Variants in ZNF346 observed in about 807,000 individuals in gnomAD.
The protein encoded by ZNF346 is zinc finger protein 346.
Under a neutral mutation model 33.7 loss-of-function variants are expected in ZNF346, and 23 were observed. The observed-to-expected ratio is 0.68, with a 90% confidence interval of 0.49 to 0.97. The LOEUF is 0.97. Ranked by LOEUF, ZNF346 falls within the 50% of genes least tolerant of loss-of-function variation. The pLI is 0.00. For synonymous variants in ZNF346, 134 were observed against 142.4 expected (o/e 0.94, Z 0.42); for missense variants, 340 against 371.1 (o/e 0.92, Z 0.69).
At chr5:177,041,947 A>T in intron 3 of ZNF346, 77 bp downstream of exon 3, 5 of 922,376 alleles carry the variant, frequency 5.4e-6, no homozygotes, top group Non-Finnish European at 8.7e-6. Context: ...AACAAGTCAG[A>T]CTGTCTTGGC....
intron 1 of ZNF346, chr5:177,023,205 T>G (rs1281530754): frequency 6.5e-7 from 1 of 1,536,598 alleles, no homozygotes; most frequent in Non-Finnish European, 8.7e-7. Context: ...ATACTCGTCC[T>G]GTCGGAGACC....
At position 177,044,513 on chromosome 5, in the gene ZNF346, A is replaced by C. The variant is rs1779778315; in HGVS notation, c.497A>C (p.Gln166Pro). ...KTHAKNLKLK[Q>P]QSTKVEALHQ... Reference sequence around the variant, plus strand: ...CACGCAAAGAACTTAAAGCTGAAGCAGCAGTCCACTAAGGTGGAAGGTACT... The same window carrying C: ...CACGCAAAGAACTTAAAGCTGAAGCCGCAGTCCACTAAGGTGGAAGGTACT... Residue 166 changes from glutamine (Q) to proline (P), a missense_variant, in exon 4 of 7, where the codon CAG (glutamine) becomes CCG (proline). Gln to Pro is a moderately conservative substitution (Grantham distance 76). Transcript: ENST00000358149. The C allele has an allele frequency of 1.9e-6, 3 of 1,613,790 alleles. No homozygotes were observed. Among genetic ancestry groups the C allele is most frequent in the Admixed American group, 1.7e-5 (1 of 60,002 alleles).
chr5:177,044,556 C>CTA, intron 4 of ZNF346, 23 bp downstream of exon 4: 4 of 1,612,332 alleles, frequency 2.5e-6, no homozygotes, highest in Non-Finnish European at 3.4e-6. Flanking sequence ...CTGAGTAGTG[C>CTA]TATAGTGGGA....
At chr5:177,037,542 C>G (rs1027132449) in intron 1 of ZNF346, among the ~76,000 whole-genome samples, 1 of 152,182 alleles carries the variant, frequency 6.6e-6, no homozygotes, top group Non-Finnish European at 1.5e-5. Flanking sequence ...TAGGAGTTAT[C>G]CTTGACTCCT....
intron 5 of ZNF346, among the ~76,000 whole-genome samples, chr5:177,059,687 C>T (rs556382404): frequency 3.8e-4 from 58 of 152,348 alleles, no homozygotes; most frequent in Admixed American, 3.8e-3. Context: ...GAGCCCCATG[C>T]TGGTCCCCCA....
chr5:177,075,289 G>A (rs1171965776), intron 8 of ZNF346, among the ~76,000 whole-genome samples: 1 of 151,834 alleles, frequency 6.6e-6, no homozygotes. Context: ...TGTAATCCCA[G>A]CTACTCATGA....
At chr5:177,062,201 C>T in intron 6 of ZNF346, 50 bp downstream of exon 6, 1 of 1,500,336 alleles carries the variant, frequency 6.7e-7, no homozygotes, top group Non-Finnish European at 9.3e-7. Flanking sequence ...GAGCTCAGGA[C>T]TTCTGCATCA....
chr5:177,078,503 G>A (rs1400097236), intron 8 of ZNF346, among the ~76,000 whole-genome samples: 1 of 152,232 alleles, frequency 6.6e-6, no homozygotes. Flanking sequence ...GTGAGGAGTG[G>A]CAGCACAGTG....
intron 1 of ZNF346, among the ~76,000 whole-genome samples, chr5:177,030,509 G>A (rs770099713): frequency 3.3e-5 from 5 of 151,858 alleles, no homozygotes; most frequent in Admixed American, 2.0e-4. Context: ...GGGTTTCACC[G>A]TGTTAGCCAG....
intron 1 of ZNF346, chr5:177,023,346 G>A: frequency 1.3e-6 from 1 of 791,480 alleles, no homozygotes; most frequent in Non-Finnish European, 2.1e-6. Context: ...ACTTCCGAGG[G>A]CTCTGGAAGG....
At position 177,077,355 on chromosome 5, in the gene ZNF346, G is replaced by A. The variant is rs1301981076; in HGVS notation, c.*3-2027G>A. Among the ~76,000 whole-genome samples the A allele has an allele frequency of 6.6e-6, 1 of 152,162 alleles. No individual in the cohort carries two copies. The highest frequency in any genetic ancestry group is 1.5e-5 in the Non-Finnish European group (1 of 68,022). ...AGAAGGAGCCTTTTATTTATAAAGGGTTTAAGAAAAAGGATTAGCCGAAGA... is the reference window on the plus strand; with the variant it reads ...AGAAGGAGCCTTTTATTTATAAAGGATTTAAGAAAAAGGATTAGCCGAAGA... On this transcript the variant is annotated intron_variant, in intron 8 of 8. Transcript: ENST00000503039. The surrounding 1 kb of genome is among the most constrained non-coding windows in gnomAD (Gnocchi z 5.0).
intron 8 of ZNF346, among the ~76,000 whole-genome samples, chr5:177,073,552 C>T (rs1360854070): frequency 6.6e-6 from 1 of 152,196 alleles, no homozygotes; most frequent in East Asian, 1.9e-4. Flanking sequence ...GATCCTCCCA[C>T]CTCGGCCTAC....
At chr5:177,027,903 A>G (rs1777034387) in intron 1 of ZNF346, among the ~76,000 whole-genome samples, 1 of 151,286 alleles carries the variant, frequency 6.6e-6, no homozygotes, top group Non-Finnish European at 1.5e-5. Context: ...TCAGCCTCCC[A>G]AAGGGTTAGG....
At chr5:177,037,213 C>T (rs1015805858) in intron 1 of ZNF346, among the ~76,000 whole-genome samples, 5 of 152,140 alleles carry the variant, frequency 3.3e-5, no homozygotes, top group African/African-American at 1.2e-4. Context: ...TATTCAACTT[C>T]GCTTCCTCTG....
At chr5:177,072,127 T>C (rs964240372), downstream of ZNF346, among the ~76,000 whole-genome samples, 3 of 152,216 alleles carry the variant, frequency 2.0e-5, no homozygotes, top group Non-Finnish European at 4.4e-5. Context: ...TATATGCTAT[T>C]TCAGTTAACC....
At chr5:177,031,691 C>T in intron 1 of ZNF346, among the ~76,000 whole-genome samples, 1 of 152,008 alleles carries the variant, frequency 6.6e-6, no homozygotes, top group African/African-American at 2.4e-5. Flanking sequence ...TTTTTCTACT[C>T]TCTCTCTCTT....
chr5:177,026,657 C>T (rs1222736751), intron 1 of ZNF346, among the ~76,000 whole-genome samples: 1 of 152,102 alleles, frequency 6.6e-6, no homozygotes, highest in Non-Finnish European at 1.5e-5. Flanking sequence ...CCACCACACT[C>T]AGTTGGTAAT....
At chr5:177,023,739 A>G (rs1217537276) in intron 1 of ZNF346, among the ~76,000 whole-genome samples, 1 of 152,162 alleles carries the variant, frequency 6.6e-6, no homozygotes, top group Non-Finnish European at 1.5e-5. Context: ...CAGATGTACA[A>G]GAACTCTATC....
intron 6 of ZNF346, among the ~76,000 whole-genome samples, chr5:177,063,434 T>G (rs571234852): frequency 6.6e-6 from 1 of 152,314 alleles, no homozygotes; most frequent in East Asian, 1.9e-4. Context: ...CAGATCATCC[T>G]CTTTACCTGT....
Sources: gnomAD v4.1 joint callset for allele counts (sites outside exome capture counted in the v4.1 genomes callset) on GRCh38, gnomAD v4.1.1 for gene constraint, Gnocchi (gnomAD v3.1) non-coding constraint, MANE v1.5 for transcripts, NCBI Gene and HGNC (gene_info 2026-07-23, HGNC 2026-07-21) for gene names.